The following NAV1 variants were observed in gnomAD, a reference collection of about 807,000 sequenced individuals.
NAV1 encodes the protein pore membrane and/or filament interacting like protein 3.
Under a neutral mutation model 175.2 loss-of-function variants are expected in NAV1, and 18 were observed. The ratio of observed to expected loss-of-function variants is 0.10; its 90% confidence interval spans 0.07 to 0.15. NAV1 has a LOEUF of 0.15. Among genes scored for constraint, NAV1 ranks in the 10% least tolerant of loss-of-function variants. The pLI, the probability that NAV1 is intolerant of heterozygous loss-of-function variation, is 1.00. For missense variants in NAV1, 1,731 were observed against 2,436.6 expected, an observed-to-expected ratio of 0.71 and a Z score of 6.10; for synonymous variants, 897 against 978.7, an observed-to-expected ratio of 0.92 and a Z score of 1.56.
In NAV1 at chr1:201,804,514, C is replaced by G. The variant is rs1446874145; in HGVS notation, c.3648+17C>G. The G allele has an allele frequency of 6.5e-7, 1 of 1,543,834 alleles. No homozygotes were observed. Among genetic ancestry groups the G allele is most frequent in the African/African-American group, 1.4e-5 (1 of 71,912 alleles). ...GTCTATGAGGTAAGAGACCCAGTTC[C>G]TATCCCCTTATTTTCTCTTTCCCTT... On this transcript the variant is annotated intron_variant, in intron 17 of 29. Coordinates refer to ENST00000367296, the Ensembl canonical transcript of NAV1.
At position 201,718,541 on chromosome 1, in the gene NAV1, C is replaced by G. The variant is rs757379926; in HGVS notation, c.1012C>G (p.Arg338Gly). The change falls in exon 3 of 30, where the codon CGC becomes GGC. Residue 338 changes from arginine (R) to glycine (G), a missense_variant. Arg to Gly is a moderately radical substitution (Grantham distance 125, BLOSUM62 -2). Transcript: ENST00000367296. This position sits in a 1 kb window ranked among gnomAD's most constrained non-coding sequence, Gnocchi z 4.8. ...CGCGCCCTCTGTGGGTGGGAGCTGC[C>G]GCTCGGAGGGGACGCCCGCCTGGTA... The G allele has an allele frequency of 6.2e-7, 1 of 1,612,626 alleles. No homozygotes were observed. The highest frequency in any genetic ancestry group is 8.5e-7 in the Non-Finnish European group (1 of 1,179,216).
intron 3 of NAV1, among the ~76,000 whole-genome samples, chr1:201,761,183 T>C (rs1674818517): frequency 6.6e-6 from 1 of 152,084 alleles, no homozygotes; most frequent in African/African-American, 2.4e-5. Context: ...CGTTGGAAAG[T>C]GGACTTCTTA....
chr1:201,657,956 C>T (rs1203488214), intron 1 of NAV1, among the ~76,000 whole-genome samples: 1 of 152,034 alleles, frequency 6.6e-6, no homozygotes, highest in Non-Finnish European at 1.5e-5. Context: ...TCACTTGAGC[C>T]CGGGAGGTGG....
intron 1 of NAV1, among the ~76,000 whole-genome samples, chr1:201,649,695 G>A (rs1669112739): frequency 6.6e-6 from 1 of 152,194 alleles, no homozygotes; most frequent in Non-Finnish European, 1.5e-5. Flanking sequence ...CAATGGGATG[G>A]GGGGTGAGGG....
intron 1 of NAV1, among the ~76,000 whole-genome samples, chr1:201,579,983 C>G (rs1391098345): frequency 6.6e-6 from 1 of 152,132 alleles, no homozygotes; most frequent in Non-Finnish European, 1.5e-5. Flanking sequence ...GTTCTCAGCC[C>G]AAGGCCAAAG....
chr1:201,756,868 CTTT>C lies in NAV1; in HGVS notation c.1227-23552_1227-23550del, dbSNP rs1558131787. Among the ~76,000 whole-genome samples the C allele has an allele frequency of 4.1e-4, 50 of 122,400 alleles. 1 individual carries two copies. The highest frequency in any genetic ancestry group is 1.5e-3 in the African/African-American group (46 of 31,414). The allele number at this position is 122,400 out of a possible 152,430, so 80.3% of individuals were successfully genotyped here. A position where few individuals can be genotyped will look rare whatever the true frequency, so the allele number is the denominator to read the frequency against. On this transcript the variant is annotated intron_variant, in intron 3 of 29. Coordinates refer to ENST00000367296, the Ensembl canonical transcript of NAV1. ...TCTTTCTTTCTTTCTTTCTTTCTTT[CTTT>C]CTTTCTTTCTTTCTCTGTCTTTCTC...
At chr1:201,771,748 C>T (rs1054272474) in intron 3 of NAV1, among the ~76,000 whole-genome samples, 2 of 152,122 alleles carry the variant, frequency 1.3e-5, no homozygotes, top group Admixed American at 1.3e-4. Context: ...AGAAGCAGAT[C>T]CACAGATGAG....
upstream of NAV1, among the ~76,000 whole-genome samples, chr1:201,619,902 T>C (rs1446036296): frequency 6.6e-6 from 1 of 152,196 alleles, no homozygotes; most frequent in Non-Finnish European, 1.5e-5. Context: ...CTGGGTAGGA[T>C]GGGGGTTGCT....
chr1:201,730,614 A>G lies in NAV1; in HGVS notation c.1226+11859A>G, dbSNP rs932592118. ...CTCAGGCCATGCTGTCGACTGACCA[A>G]TGAATCATTGTTAGAGACCCCCTCC... On this transcript the variant is annotated intron_variant, in intron 3 of 29. Coordinates refer to ENST00000367296, the Ensembl canonical transcript of NAV1. Among the ~76,000 whole-genome samples the G allele has an allele frequency of 4.6e-5, 7 of 152,312 alleles. No individual in the cohort carries two copies. In the East Asian group the frequency reaches 1.2e-3, roughly 25 times the overall value.
chr1:201,658,440 T>TTC (rs1669488551), intron 1 of NAV1, among the ~76,000 whole-genome samples: 1 of 151,674 alleles, frequency 6.6e-6, no homozygotes, highest in East Asian at 1.9e-4. Flanking sequence ...TGAGTTTTGA[T>TTC]AGAAGGGTGA....
intron 3 of NAV1, among the ~76,000 whole-genome samples, chr1:201,775,630 C>T (rs1009257720): frequency 2.0e-5 from 3 of 152,170 alleles, no homozygotes; most frequent in African/African-American, 7.2e-5. Context: ...AGAAACTATG[C>T]AAGGACATTG....
chr1:201,633,019 A>G (rs1348434253), intron 2 of NAV1, among the ~76,000 whole-genome samples: 2 of 152,230 alleles, frequency 1.3e-5, no homozygotes, highest in Admixed American at 1.3e-4. Flanking sequence ...AACCAAATCC[A>G]AGTATTCCTG....
At chr1:201,655,518 G>A (rs948638678) in intron 1 of NAV1, among the ~76,000 whole-genome samples, 20 of 152,222 alleles carry the variant, frequency 1.3e-4, no homozygotes, top group African/African-American at 4.8e-4. Flanking sequence ...CCTATAGGAG[G>A]CAGACATCAC....
At chr1:201,613,735 G>T (rs1240816551) in intron 2 of NAV1, among the ~76,000 whole-genome samples, 1 of 152,088 alleles carries the variant, frequency 6.6e-6, no homozygotes, top group Non-Finnish European at 1.5e-5. Context: ...GGTGGCACAC[G>T]CCTGTAATCC....
chr1:201,758,820 T>C (rs1674664950), intron 3 of NAV1, among the ~76,000 whole-genome samples: 1 of 152,222 alleles, frequency 6.6e-6, no homozygotes. Context: ...TCTCTCGTAA[T>C]GGAAGTATTT....
chr1:201,618,862 A>G (rs573172010), upstream of NAV1, among the ~76,000 whole-genome samples: 18 of 152,214 alleles, frequency 1.2e-4, no homozygotes, highest in Non-Finnish European at 2.6e-4. Flanking sequence ...GTGTCCTTAA[A>G]GATGCTGAAT....
At chr1:201,621,234 T>C (rs1054801958), upstream of NAV1, among the ~76,000 whole-genome samples, 1 of 152,078 alleles carries the variant, frequency 6.6e-6, no homozygotes, top group African/African-American at 2.4e-5. Context: ...CTTTATTCTA[T>C]GGGATGTTTG....
chr1:201,784,502 C>G (rs556347635), intron 7 of NAV1, among the ~76,000 whole-genome samples: 1 of 151,960 alleles, frequency 6.6e-6, no homozygotes, highest in East Asian at 1.9e-4. Flanking sequence ...TTTCCCCTCC[C>G]TTCCCCCTAT....
rs552138104 is a variant in NAV1, at chr1:201,788,211, T to C, written c.2996-257T>C. 1.3e-5 allele frequency among the ~76,000 whole-genome samples: 2 copies of C among 152,164 alleles called. No homozygotes were observed. The highest frequency in any genetic ancestry group is 2.4e-5 in the African/African-American group (1 of 41,512). On this transcript the variant is annotated intron_variant, in intron 9 of 29. Coordinates refer to ENST00000367296, the Ensembl canonical transcript of NAV1. This position sits in a 1 kb window ranked among gnomAD's most constrained non-coding sequence, Gnocchi z 5.7. ...AGCAACAACTCTGAGGCAGGCAGGGTTGAGGGAAGGTCTTTATTCCAGACA... is the reference window on the plus strand; with the variant it reads ...AGCAACAACTCTGAGGCAGGCAGGGCTGAGGGAAGGTCTTTATTCCAGACA...
Sources: allele counts gnomAD v4.1 joint callset (sites outside exome capture counted in the v4.1 genomes callset), GRCh38; gene constraint gnomAD v4.1.1; non-coding constraint Gnocchi (gnomAD v3.1); transcripts MANE v1.5; gene names NCBI Gene and HGNC (gene_info 2026-07-23, HGNC 2026-07-21).